Variants in CNIH3 observed in about 807,000 individuals in gnomAD.
CNIH3 encodes protein cornichon homolog 3.
In CNIH3, 14 loss-of-function variants were observed where a neutral mutation model predicts 24.1. That is an observed-to-expected ratio of 0.58 (90% CI 0.38 to 0.91). The LOEUF (loss-of-function observed/expected upper bound fraction) is 0.91, where lower values mean the gene tolerates loss of function less well. Ranked by LOEUF, CNIH3 falls within the 40% of genes least tolerant of loss-of-function variation. The pLI, the probability that CNIH3 is intolerant of heterozygous loss-of-function variation, is 0.00. For missense variants in CNIH3, 178 were observed against 196.8 expected (o/e 0.90, Z 0.57); for synonymous variants, 68 against 73.8 (o/e 0.92, Z 0.40).
intron 3 of CNIH3, among the ~76,000 whole-genome samples, chr1:224,717,975 G>T (rs1037847616): frequency 3.3e-5 from 5 of 152,178 alleles, no homozygotes; most frequent in Non-Finnish European, 5.9e-5. Context: ...CTTGTGTGGG[G>T]AACGACCAAA....
At chr1:224,690,421 G>A (rs997397123) in intron 3 of CNIH3, among the ~76,000 whole-genome samples, 4 of 152,066 alleles carry the variant, frequency 2.6e-5, no homozygotes, top group Non-Finnish European at 4.4e-5. Context: ...GGCTGGTCTC[G>A]AACTCCTGAC....
chr1:224,490,494 C>T lies in CNIH3; in HGVS notation n.204-25247C>T, dbSNP rs116855305. Among the ~76,000 whole-genome samples, 142 of 152,288 alleles carry T rather than the reference C, an allele frequency of 9.3e-4. 2 individuals carry two copies. The East Asian group carries it at 0.022, about 24-fold the overall frequency. The stretch of plus-strand genomic sequence containing the variant: ...GTTTAGTCGTGTTTTCACAGTTTTT[C>T]TTTATGGTCAAGTTCTTTTCTCGCA... On this transcript the variant is annotated intron_variant and non_coding_transcript_variant, in intron 1 of 5. Coordinates refer to the CNIH3 transcript ENST00000471578.
chr1:224,592,980 T>C (rs1436134682), downstream of CNIH3, among the ~76,000 whole-genome samples: 1 of 151,996 alleles, frequency 6.6e-6, no homozygotes, highest in Non-Finnish European at 1.5e-5. Flanking sequence ...TCACTTAATT[T>C]TCATTGGTGG....
At chr1:224,671,392 C>G (rs1232554884) in intron 1 of CNIH3, among the ~76,000 whole-genome samples, 4 of 152,224 alleles carry the variant, frequency 2.6e-5, no homozygotes, top group African/African-American at 7.2e-5. Context: ...AGGCAGGACT[C>G]TGGTGCTAAG....
At chr1:224,441,978 A>G (rs1447193201) in intron 1 of CNIH3, among the ~76,000 whole-genome samples, 1 of 151,456 alleles carries the variant, frequency 6.6e-6, no homozygotes, top group East Asian at 1.9e-4. Context: ...CCAACTCAGG[A>G]CTAACAGAGT....
At chr1:224,461,855 A>T (rs923198116) in intron 1 of CNIH3, among the ~76,000 whole-genome samples, 1 of 152,188 alleles carries the variant, frequency 6.6e-6, no homozygotes, top group Non-Finnish European at 1.5e-5. Context: ...TTCTTTTTCT[A>T]TATATTTACT....
At chr1:224,616,168 C>A (rs1682961866), upstream of CNIH3, 1 of 156,404 alleles carries the variant, frequency 6.4e-6, no homozygotes, top group Non-Finnish European at 1.4e-5. Context: ...GCAGCGGCCA[C>A]CAAGCGCCCG....
chr1:224,471,043 T>TTTGA (rs1676348178), intron 1 of CNIH3, among the ~76,000 whole-genome samples: 1 of 149,360 alleles, frequency 6.7e-6, no homozygotes, highest in African/African-American at 2.5e-5. Context: ...TACTAGGTTT[T>TTTGA]TTGTTTGTTT....
intron 1 of CNIH3, among the ~76,000 whole-genome samples, chr1:224,643,370 T>G (rs1234054985): frequency 1.3e-5 from 2 of 152,230 alleles, no homozygotes; most frequent in Non-Finnish European, 2.9e-5. Context: ...CACATCTACA[T>G]GAGGCTCATC....
chr1:224,685,843 G>A (rs1032298913), intron 3 of CNIH3, among the ~76,000 whole-genome samples: 7 of 152,046 alleles, frequency 4.6e-5, no homozygotes, highest in African/African-American at 1.7e-4. Flanking sequence ...CCCATATCTT[G>A]TATGACACAG....
chr1:224,529,023 T>C (rs1678955941), intron 2 of CNIH3, among the ~76,000 whole-genome samples: 1 of 152,166 alleles, frequency 6.6e-6, no homozygotes, highest in African/African-American at 2.4e-5. Flanking sequence ...TGTGTACCAT[T>C]TGGGGGAAGA....
chr1:224,660,548 C>A (rs1499282), intron 1 of CNIH3, among the ~76,000 whole-genome samples: 26,873 of 151,934 alleles, frequency 0.18, 2,537 homozygotes, highest in African/African-American at 0.23. Flanking sequence ...AACACATTTG[C>A]GTTTCTTTGT....
upstream of CNIH3, among the ~76,000 whole-genome samples, chr1:224,514,839 A>G (rs1678314919): frequency 6.6e-6 from 1 of 152,144 alleles, no homozygotes; most frequent in African/African-American, 2.4e-5. Context: ...CAAAAAACAA[A>G]CAACAAAAAC....
chr1:224,623,580 C>A (rs1233272628), intron 1 of CNIH3, among the ~76,000 whole-genome samples: 1 of 152,058 alleles, frequency 6.6e-6, no homozygotes, highest in South Asian at 2.1e-4. Flanking sequence ...CCAAAACTGT[C>A]CCCCACCCCT....
chr1:224,658,160 G>A (rs1332120781), intron 1 of CNIH3, among the ~76,000 whole-genome samples: 2 of 152,092 alleles, frequency 1.3e-5, no homozygotes. Flanking sequence ...AAGACTGAAT[G>A]TATGTATTTA....
At chr1:224,547,420 C>G (rs6691181) in intron 3 of CNIH3, among the ~76,000 whole-genome samples, 8,928 of 151,800 alleles carry the variant, frequency 0.059, 895 homozygotes, top group African/African-American at 0.2. Flanking sequence ...GATATTACCC[C>G]TAATATTACA....
chr1:224,659,875 G>T (rs1685264114), intron 1 of CNIH3, among the ~76,000 whole-genome samples: 1 of 152,156 alleles, frequency 6.6e-6, no homozygotes, highest in South Asian at 2.1e-4. Flanking sequence ...AAAGCTGAAA[G>T]CAGCAAGACA....
intron 3 of CNIH3, among the ~76,000 whole-genome samples, chr1:224,596,491 A>C (rs1206659348): frequency 3.3e-5 from 5 of 152,238 alleles, no homozygotes; most frequent in Non-Finnish European, 7.3e-5. Flanking sequence ...TATTGTTTTC[A>C]TGCCTGCTTG....
At chr1:224,733,304 C>T (rs1689430452) in intron 4 of CNIH3, among the ~76,000 whole-genome samples, 3 of 152,226 alleles carry the variant, frequency 2.0e-5, no homozygotes, top group Admixed American at 6.5e-5. Context: ...CTGGCAGGGC[C>T]TTTGCTGTTT....
Sources: allele counts gnomAD v4.1 joint callset (sites outside exome capture counted in the v4.1 genomes callset), GRCh38; gene constraint gnomAD v4.1.1; transcripts MANE v1.5; gene names NCBI Gene and HGNC (gene_info 2026-07-23, HGNC 2026-07-21).